Variants in SLC2A14 observed in about 807,000 individuals in gnomAD.
SLC2A14 encodes the protein solute carrier family 2, facilitated glucose transporter member 14.
Under a neutral mutation model 43.0 loss-of-function variants are expected in SLC2A14, and 13 were observed. That is an observed-to-expected ratio of 0.30 (90% CI 0.20 to 0.48). The LOEUF is 0.48. Among genes scored for constraint, SLC2A14 ranks in the 20% least tolerant of loss-of-function variants. The pLI is 0.99. For synonymous variants in SLC2A14, 190 were observed against 233.8 expected, an observed-to-expected ratio of 0.81 and a Z score of 1.71; for missense variants, 428 against 620.4, an observed-to-expected ratio of 0.69 and a Z score of 3.29.
chr12:7,827,473 G>A (rs1365490097), intron 7 of SLC2A14, 22 bp downstream of exon 7: 1 of 1,608,816 alleles, frequency 6.2e-7, no homozygotes, highest in East Asian at 2.2e-5. Context: ...AGACACGTTT[G>A]ACCCTAAAGT....
At chr12:7,883,599 T>C (rs1225631260) in intron 1 of SLC2A14, among the ~76,000 whole-genome samples, 7 of 132,484 alleles carry the variant, frequency 5.3e-5, no homozygotes, top group Non-Finnish European at 8.0e-5. Context: ...TCTTTTTTTT[T>C]TTTTTTTTTT....
At chr12:7,882,739 A>C (rs911152720) in intron 1 of SLC2A14, among the ~76,000 whole-genome samples, 2 of 152,030 alleles carry the variant, frequency 1.3e-5, no homozygotes, top group Non-Finnish European at 2.9e-5. Flanking sequence ...TGGGAAGCTG[A>C]GGCTGGAGAA....
chr12:7,866,224 CAAA>C (rs1294745106), intron 2 of SLC2A14, among the ~76,000 whole-genome samples: 18 of 93,596 alleles, frequency 1.9e-4, no homozygotes, highest in African/African-American at 6.5e-4. Context: ...GACTCTGTCT[CAAA>C]AAAAAAAAAA....
intron 7 of SLC2A14, among the ~76,000 whole-genome samples, chr12:7,823,297 C>T (rs569320900): frequency 1.3e-5 from 2 of 151,318 alleles, no homozygotes; most frequent in Non-Finnish European, 2.9e-5. Context: ...GCAGGAGAAT[C>T]GCTTGAGCCT....
intron 2 of SLC2A14, 95 bp from the exon 3 acceptor site, chr12:7,832,909 T>C: frequency 8.0e-7 from 1 of 1,250,142 alleles, no homozygotes; most frequent in African/African-American, 1.5e-5. Flanking sequence ...TAGGAGAATC[T>C]GACCTATGAG....
chr12:7,860,974 T>C (rs10846063), intron 2 of SLC2A14, among the ~76,000 whole-genome samples: 19,809 of 151,988 alleles, frequency 0.13, 1,420 homozygotes, highest in East Asian at 0.27. Context: ...TTATTTTTAG[T>C]AGAGACGGGG....
intron 3 of SLC2A14, among the ~76,000 whole-genome samples, chr12:7,832,032 C>T (rs1185394945): frequency 6.6e-6 from 1 of 152,196 alleles, no homozygotes; most frequent in Non-Finnish European, 1.5e-5. Flanking sequence ...CGCTTGAACC[C>T]GTGGGGCGGA....
intron 10 of SLC2A14, among the ~76,000 whole-genome samples, chr12:7,814,845 G>C (rs2120634202): frequency 6.6e-6 from 1 of 151,788 alleles, no homozygotes; most frequent in East Asian, 2.0e-4. Flanking sequence ...TGTCACCCAG[G>C]CTGGAGCGCA....
intron 2 of SLC2A14, among the ~76,000 whole-genome samples, chr12:7,865,945 G>A (rs960177226): frequency 3.9e-5 from 6 of 152,120 alleles, no homozygotes; most frequent in Non-Finnish European, 7.4e-5. Flanking sequence ...GGCCGGGCAT[G>A]GTAGCTCACG....
At chr12:7,862,944 T>C (rs935469375) in intron 2 of SLC2A14, among the ~76,000 whole-genome samples, 5 of 152,082 alleles carry the variant, frequency 3.3e-5, no homozygotes, top group African/African-American at 7.2e-5. Flanking sequence ...AACAGGCCAC[T>C]CGGCTCTACC....
At chr12:7,867,147 C>T (rs769888947) in intron 2 of SLC2A14, among the ~76,000 whole-genome samples, 3 of 151,864 alleles carry the variant, frequency 2.0e-5, no homozygotes, top group Non-Finnish European at 4.4e-5. Context: ...GGCGTGGTGG[C>T]GGGGGCCTGT....
chr12:7,840,396 T>G (rs1865853323), intron 2 of SLC2A14, among the ~76,000 whole-genome samples: 1 of 152,078 alleles, frequency 6.6e-6, no homozygotes, highest in Non-Finnish European at 1.5e-5. Flanking sequence ...TTTGTTTTTT[T>G]GAGACAGAAT....
chr12:7,817,490 C>T (rs1487634580), intron 10 of SLC2A14, among the ~76,000 whole-genome samples: 5 of 151,022 alleles, frequency 3.3e-5, no homozygotes, highest in African/African-American at 9.7e-5. Flanking sequence ...GTGAGTTGGC[C>T]GGGCATGGTG....
chr12:7,875,812 T>C (rs1024513242), upstream of SLC2A14, among the ~76,000 whole-genome samples: 1 of 151,924 alleles, frequency 6.6e-6, no homozygotes. Context: ...CCGTCTCTAC[T>C]AAAAATACAA....
chr12:7,868,416 T>A lies in SLC2A14; in HGVS notation c.18+1447A>T, dbSNP rs189852295. Among the ~76,000 whole-genome samples, 188 of 152,290 alleles carry A rather than the reference T, an allele frequency of 1.2e-3. 1 individual carries two copies. Among genetic ancestry groups the A allele is most frequent in the Admixed American group, 4.4e-3 (67 of 15,284 alleles). The stretch of plus-strand genomic sequence containing the variant: ...TTGGATATTAGCTTTCTCTCAGCAG[T>A]CTGGAACCAAACCTGCACTATCTCT... On this transcript the variant is annotated intron_variant, in intron 2 of 10. Coordinates refer to ENST00000431042, the MANE Select transcript of SLC2A14 (RefSeq NM_001286234.2).
At chr12:7,854,377 C>T (rs1031477197) in intron 2 of SLC2A14, among the ~76,000 whole-genome samples, 7 of 152,166 alleles carry the variant, frequency 4.6e-5, no homozygotes, top group African/African-American at 1.7e-4. Context: ...TCCTTCCACT[C>T]GCACATGTCT....
chr12:7,827,766 C>T (rs1056010610), intron 6 of SLC2A14, 84 bp from the exon 7 acceptor site: 52 of 1,504,202 alleles, frequency 3.5e-5, no homozygotes, highest in South Asian at 2.9e-4. Flanking sequence ...AGGAAAGGGC[C>T]GCACGAGGTG....
chr12:7,859,753 G>A (rs1033582786), intron 2 of SLC2A14, among the ~76,000 whole-genome samples: 5 of 152,112 alleles, frequency 3.3e-5, no homozygotes, highest in African/African-American at 1.2e-4. Context: ...AAGAAGCTGA[G>A]TTTTTAAGGG....
chr12:7,874,096 C>T (rs1945366049), upstream of SLC2A14, among the ~76,000 whole-genome samples: 1 of 152,082 alleles, frequency 6.6e-6, no homozygotes, highest in African/African-American at 2.4e-5. Context: ...GATACCAATT[C>T]GTGCCCACTA....
Sources: allele counts gnomAD v4.1 joint callset (sites outside exome capture counted in the v4.1 genomes callset), GRCh38; gene constraint gnomAD v4.1.1; transcripts MANE v1.5; gene names NCBI Gene and HGNC (gene_info 2026-07-23, HGNC 2026-07-21).